Variants in RSRC1 observed in about 807,000 individuals in gnomAD.
RSRC1 encodes arginine and serine rich coiled-coil 1.
A neutral mutation model predicts 49.1 loss-of-function variants in RSRC1; 39 were observed. The observed-to-expected ratio is 0.79, with a 90% CI of 0.61 to 1.04. The LOEUF is 1.04. Ranked by LOEUF, RSRC1 falls within the 50% of genes least tolerant of loss-of-function variation. The pLI is 0.00. For synonymous variants in RSRC1, 143 were observed against 130.8 expected (o/e 1.09, Z -0.63); for missense variants, 388 against 402.4 (o/e 0.96, Z 0.31).
intron 5 of RSRC1, chr3:158,303,504 A>AAAT (rs1260461031): frequency 1.3e-5 from 2 of 152,164 alleles, no homozygotes; most frequent in African/African-American, 4.8e-5. Flanking sequence ...ATTCTTGCTT[A>AAAT]AAGCACATTC....
At chr3:158,204,512 G>C (rs2108281143) in intron 4 of RSRC1, among the ~76,000 whole-genome samples, 1 of 152,292 alleles carries the variant, frequency 6.6e-6, no homozygotes, top group East Asian at 1.9e-4. Context: ...GTCTGTAAAG[G>C]TGGGGAGGCT....
chr3:158,260,763 C>T (rs1724849535), intron 4 of RSRC1, among the ~76,000 whole-genome samples: 1 of 152,214 alleles, frequency 6.6e-6, no homozygotes, highest in African/African-American at 2.4e-5. Flanking sequence ...CAGTTCACCT[C>T]TCACTATGGC....
chr3:158,316,009 T>C (rs1255344188), intron 5 of RSRC1, among the ~76,000 whole-genome samples: 1 of 151,678 alleles, frequency 6.6e-6, no homozygotes, highest in Non-Finnish European at 1.5e-5. Context: ...CCGTCTCCAC[T>C]AAAAATAAAA....
At chr3:158,507,276 A>C (rs2108468072) in intron 7 of RSRC1, among the ~76,000 whole-genome samples, 1 of 152,296 alleles carries the variant, frequency 6.6e-6, no homozygotes, top group Non-Finnish European at 1.5e-5. Flanking sequence ...TAAAGAGTAC[A>C]AAAATAACAG....
At chr3:158,160,146 C>G (rs922686611) in intron 3 of RSRC1, among the ~76,000 whole-genome samples, 1 of 152,074 alleles carries the variant, frequency 6.6e-6, no homozygotes, top group Non-Finnish European at 1.5e-5. Context: ...GAGATCCTGC[C>G]ACAGGTAGTT....
chr3:158,197,133 G>T (rs577445072), intron 3 of RSRC1, among the ~76,000 whole-genome samples: 28 of 152,244 alleles, frequency 1.8e-4, no homozygotes, highest in Admixed American at 1.6e-3. Flanking sequence ...TCTGGTCCTG[G>T]ACTGTTTTTG....
At chr3:158,182,162 TATG>T (rs1458424664) in intron 3 of RSRC1, among the ~76,000 whole-genome samples, 1 of 152,020 alleles carries the variant, frequency 6.6e-6, no homozygotes, top group African/African-American at 2.4e-5. Flanking sequence ...TTAGCAAAGA[TATG>T]AAGGAGGTGA....
intron 4 of RSRC1, among the ~76,000 whole-genome samples, chr3:158,289,924 TATCCATCCATCCATCCATCC>T (rs138336070): frequency 4.0e-5 from 6 of 149,784 alleles, no homozygotes; most frequent in Non-Finnish European, 7.4e-5. Flanking sequence ...TCTATCTTTC[TATCCATCCATCCATCCATCC>T]ATCCATCCAT....
intron 4 of RSRC1, among the ~76,000 whole-genome samples, chr3:158,249,743 ATATAG>A (rs1476992984): frequency 2.0e-5 from 3 of 152,042 alleles, no homozygotes; most frequent in African/African-American, 7.2e-5. Context: ...AGATATTTTG[ATATAG>A]TATATAAAGC....
At chr3:158,316,514 G>A (rs1728468290) in intron 5 of RSRC1, among the ~76,000 whole-genome samples, 1 of 132,816 alleles carries the variant, frequency 7.5e-6, no homozygotes, top group Admixed American at 9.2e-5. Flanking sequence ...GCGCGATCTC[G>A]GCTCACTGCA....
intron 6 of RSRC1, among the ~76,000 whole-genome samples, chr3:158,376,271 A>G (rs1732368704): frequency 6.8e-6 from 1 of 146,736 alleles, no homozygotes; most frequent in South Asian, 2.2e-4. Flanking sequence ...GGCTCACTGC[A>G]GCCTCTGCCT....
chr3:158,522,055 G>T (rs573629779), intron 7 of RSRC1, among the ~76,000 whole-genome samples: 1 of 151,900 alleles, frequency 6.6e-6, no homozygotes, highest in African/African-American at 2.4e-5. Context: ...CAGCTGAAAA[G>T]TTTGCTACTC....
chr3:158,459,570 C>T (rs971187476), intron 6 of RSRC1, among the ~76,000 whole-genome samples: 6 of 152,056 alleles, frequency 3.9e-5, no homozygotes, highest in Non-Finnish European at 7.4e-5. Context: ...TACAATTACA[C>T]ATATAACCAA....
intron 1 of RSRC1, among the ~76,000 whole-genome samples, chr3:158,117,302 A>G (rs1039902915): frequency 4.6e-5 from 7 of 152,288 alleles, no homozygotes; most frequent in Admixed American, 3.9e-4. Context: ...TCATCTTTCA[A>G]TTCTGGAACT....
At chr3:158,358,921 CAAACAT>C (rs1466255060) in intron 6 of RSRC1, among the ~76,000 whole-genome samples, 1 of 67,206 alleles carries the variant, frequency 1.5e-5, no homozygotes, top group Non-Finnish European at 2.8e-5. Context: ...TATATACACA[CAAACAT>C]ACACACACAC....
chr3:158,132,426 G>A (rs1716094131), intron 3 of RSRC1, among the ~76,000 whole-genome samples: 1 of 152,144 alleles, frequency 6.6e-6, no homozygotes, highest in South Asian at 2.1e-4. Flanking sequence ...GAGGAACAAA[G>A]GACAGCGTGT....
At chr3:158,433,748 A>G (rs113873716) in intron 6 of RSRC1, among the ~76,000 whole-genome samples, 8,163 of 152,062 alleles carry the variant, frequency 0.054, 323 homozygotes, top group South Asian at 0.1. Context: ...TCTAAAAATC[A>G]TCCTATCTAG....
rs144423706 is a variant in RSRC1, at chr3:158,405,480, A to C, written c.583+50572A>C. ...AGAATGTTATTTTATAGCACTGTTC[A>C]AGGGTGCAGAATATTATTTTTGGCA... is the stretch of plus-strand genomic sequence containing the variant. On this transcript the variant is annotated intron_variant, in intron 6 of 9. Transcript: ENST00000611884. Among the ~76,000 whole-genome samples, 412 of 152,216 alleles carry C rather than the reference A, an allele frequency of 2.7e-3. 5 individuals are homozygous for C. Among genetic ancestry groups the C allele is most frequent in the Non-Finnish European group, 4.0e-3 (271 of 67,968 alleles).
intron 6 of RSRC1, among the ~76,000 whole-genome samples, chr3:158,444,477 C>T (rs542042431): frequency 2.0e-5 from 3 of 152,080 alleles, no homozygotes; most frequent in South Asian, 2.1e-4. Flanking sequence ...GAAACTGGAT[C>T]GCTTCCTTAC....
Sources: allele counts gnomAD v4.1 joint callset (sites outside exome capture counted in the v4.1 genomes callset), GRCh38; gene constraint gnomAD v4.1.1; transcripts MANE v1.5; gene names NCBI Gene and HGNC (gene_info 2026-07-23, HGNC 2026-07-21).